Variants in SOX6 observed in about 807,000 individuals in gnomAD.
SOX6 encodes transcription factor SOX-6.
SOX6 carries 11 observed loss-of-function variants against 97.8 expected under a neutral mutation model. The observed-to-expected ratio is 0.11, with a 90% confidence interval of 0.07 to 0.19. The LOEUF (loss-of-function observed/expected upper bound fraction) is 0.19. SOX6 is among the 10% of genes least tolerant of loss of function. SOX6 has a pLI of 1.00. For missense variants in SOX6, 810 were observed against 1,039.5 expected, an observed-to-expected ratio of 0.78 and a Z score of 3.04; for synonymous variants, 360 against 371.4, an observed-to-expected ratio of 0.97 and a Z score of 0.35.
At chr11:16,049,130 T>C (rs1034380069) in intron 11 of SOX6, among the ~76,000 whole-genome samples, 2 of 152,090 alleles carry the variant, frequency 1.3e-5, no homozygotes, top group African/African-American at 4.8e-5. Context: ...TGGGGTCACA[T>C]AGCTAGAAAA....
chr11:16,222,736 G>T lies in SOX6; in HGVS notation c.535+11846C>A, dbSNP rs1852579548. ...AGTTGCAAGTACTAAAATATGATGT[G>T]TTGTTGCCTACTGTAGCATTTATTG... On this transcript the variant is annotated intron_variant, in intron 4 of 15. Transcript: ENST00000683767. 3.3e-5 allele frequency among the ~76,000 whole-genome samples: 5 copies of T among 152,000 alleles called. No homozygotes were observed. In the South Asian group the frequency reaches 1.0e-3, roughly 31 times the overall value.
chr11:16,682,642 G>A (rs1365099967), intron 3 of SOX6, among the ~76,000 whole-genome samples: 1 of 152,172 alleles, frequency 6.6e-6, no homozygotes, highest in Non-Finnish European at 1.5e-5. Context: ...TACTGAATGG[G>A]CAAAAACTGG....
At chr11:16,376,494 A>G (rs1857645114) in intron 1 of SOX6, among the ~76,000 whole-genome samples, 1 of 152,180 alleles carries the variant, frequency 6.6e-6, no homozygotes, top group African/African-American at 2.4e-5. Flanking sequence ...CTATAATTAT[A>G]AGTGAAATCC....
intron 3 of SOX6, among the ~76,000 whole-genome samples, chr11:16,244,509 T>C (rs1470337885): frequency 6.6e-6 from 1 of 151,792 alleles, no homozygotes; most frequent in Non-Finnish European, 1.5e-5. Flanking sequence ...TTTTTGTCTT[T>C]TCAATATCAC....
chr11:16,648,368 C>T (rs931364169), intron 3 of SOX6, among the ~76,000 whole-genome samples: 1 of 152,128 alleles, frequency 6.6e-6, no homozygotes, highest in African/African-American at 2.4e-5. Flanking sequence ...AGTCTGAGCC[C>T]AGACCCACCT....
intron 6 of SOX6, among the ~76,000 whole-genome samples, chr11:16,163,834 T>C (rs987913224): frequency 6.6e-5 from 10 of 152,176 alleles, no homozygotes; most frequent in African/African-American, 2.2e-4. Flanking sequence ...TGGTATGTAT[T>C]TTGTCTTCTA....
chr11:16,018,671 C>T (rs1443139576), intron 12 of SOX6, among the ~76,000 whole-genome samples: 3 of 151,954 alleles, frequency 2.0e-5, no homozygotes, highest in Non-Finnish European at 4.4e-5. Flanking sequence ...AGTAAAATTG[C>T]TCTTAAATTT....
chr11:16,186,734 C>T (rs1410193983), intron 5 of SOX6, 49 bp downstream of exon 5: 2 of 1,595,442 alleles, frequency 1.3e-6, no homozygotes, highest in East Asian at 4.5e-5. Flanking sequence ...CTCTCTGAGC[C>T]TGGCACATTC....
chr11:16,530,336 T>C (rs1173513253), intron 4 of SOX6, among the ~76,000 whole-genome samples: 3 of 152,056 alleles, frequency 2.0e-5, no homozygotes, highest in African/African-American at 7.2e-5. Flanking sequence ...AACATTTTTT[T>C]AAAGTGCAAT....
At chr11:16,236,312 T>C (rs1463889388) in intron 3 of SOX6, among the ~76,000 whole-genome samples, 1 of 152,084 alleles carries the variant, frequency 6.6e-6, no homozygotes, top group Non-Finnish European at 1.5e-5. Flanking sequence ...TTTTGTTCTA[T>C]ACTTATTTTG....
intron 4 of SOX6, among the ~76,000 whole-genome samples, chr11:16,506,792 G>A (rs1018662183): frequency 2.0e-5 from 3 of 152,146 alleles, no homozygotes; most frequent in Non-Finnish European, 4.4e-5. Context: ...AGCCAGGCAT[G>A]GTAGCTCACA....
intron 4 of SOX6, among the ~76,000 whole-genome samples, chr11:16,224,794 T>C (rs1206497246): frequency 1.3e-5 from 2 of 152,078 alleles, no homozygotes; most frequent in East Asian, 1.9e-4. Flanking sequence ...CAAGAGACTA[T>C]GTAAAATGGA....
intron 4 of SOX6, among the ~76,000 whole-genome samples, chr11:16,497,066 C>T (rs1179039675): frequency 6.6e-6 from 1 of 152,186 alleles, no homozygotes; most frequent in Non-Finnish European, 1.5e-5. Context: ...GGAGGCACCC[C>T]CAGTAGGGGC....
intron 1 of SOX6, among the ~76,000 whole-genome samples, chr11:16,395,398 C>G (rs189993177): frequency 9.9e-5 from 15 of 151,818 alleles, no homozygotes; most frequent in African/African-American, 3.6e-4. Context: ...AAACAGGGAC[C>G]TGAAGAATGA....
chr11:16,686,323 T>C (rs1453027071), intron 3 of SOX6, among the ~76,000 whole-genome samples: 1 of 152,220 alleles, frequency 6.6e-6, no homozygotes, highest in Non-Finnish European at 1.5e-5. Context: ...TGCTTCCCTT[T>C]TCAATATAAA....
intron 3 of SOX6, among the ~76,000 whole-genome samples, chr11:16,640,084 A>C (rs887420301): frequency 2.4e-4 from 36 of 152,308 alleles, no homozygotes; most frequent in African/African-American, 8.2e-4. Context: ...GATACGTCCC[A>C]TCAATACCTA....
At chr11:16,060,605 T>C (rs924103755) in intron 9 of SOX6, among the ~76,000 whole-genome samples, 18 of 151,950 alleles carry the variant, frequency 1.2e-4, no homozygotes, top group African/African-American at 4.1e-4. Context: ...TTGAAGATTT[T>C]AAGTTTGTCT....
At chr11:15,996,156 C>T (rs969295026) in intron 13 of SOX6, among the ~76,000 whole-genome samples, 2 of 151,976 alleles carry the variant, frequency 1.3e-5, no homozygotes, top group South Asian at 4.2e-4. Flanking sequence ...TATTGTGGGA[C>T]TTATAACATA....
intron 1 of SOX6, among the ~76,000 whole-genome samples, chr11:16,444,119 G>C (rs1859566717): frequency 6.7e-6 from 1 of 150,258 alleles, no homozygotes; most frequent in Non-Finnish European, 1.5e-5. Context: ...AAAACAAGAA[G>C]CAAAAACTGT....
Sources: gnomAD v4.1 joint callset for allele counts (sites outside exome capture counted in the v4.1 genomes callset) on GRCh38, gnomAD v4.1.1 for gene constraint, MANE v1.5 for transcripts, NCBI Gene and HGNC (gene_info 2026-07-23, HGNC 2026-07-21) for gene names.